RAB7A: variants seen among roughly 807,000 people sequenced by gnomAD.
RAB7A encodes the protein RAB7A, member RAS oncogene family.
Under a neutral mutation model 24.5 loss-of-function variants are expected in RAB7A, and 2 were observed. The ratio of observed to expected loss-of-function variants is 0.08; its 90% confidence interval spans 0.03 to 0.26. The LOEUF (loss-of-function observed/expected upper bound fraction) is 0.26, where lower values mean the gene tolerates loss of function less well. RAB7A is among the 10% of genes least tolerant of loss of function. The pLI, the probability that RAB7A is intolerant of heterozygous loss-of-function variation, is 1.00. For missense variants in RAB7A, 118 were observed against 255.7 expected (o/e 0.46, Z 3.67); for synonymous variants, 100 against 95.9 (o/e 1.04, Z -0.25).
chr3:128,768,784 A>G (rs986603059), intron 1 of RAB7A, among the ~76,000 whole-genome samples: 2 of 150,326 alleles, frequency 1.3e-5, no homozygotes, highest in African/African-American at 4.9e-5. Context: ...GCTGCTCTCA[A>G]ACTCCCAGCT....
At chr3:128,745,250 C>T (rs1420560364) in intron 1 of RAB7A, among the ~76,000 whole-genome samples, 1 of 152,158 alleles carries the variant, frequency 6.6e-6, no homozygotes, top group African/African-American at 2.4e-5. Context: ...CTAGGGTATG[C>T]ACTGCCCCAA....
chr3:128,774,637 G>A (rs990621784), intron 1 of RAB7A, among the ~76,000 whole-genome samples: 36 of 152,126 alleles, frequency 2.4e-4, no homozygotes, highest in African/African-American at 7.7e-4. Context: ...GCAGTGGCAC[G>A]GTCTTGGCTC....
intron 1 of RAB7A, among the ~76,000 whole-genome samples, chr3:128,768,643 C>A (rs1296171714): frequency 6.6e-6 from 1 of 151,974 alleles, no homozygotes; most frequent in Non-Finnish European, 1.5e-5. Flanking sequence ...ACTGCACCTT[C>A]ATCCTCCCAG....
intron 1 of RAB7A, among the ~76,000 whole-genome samples, chr3:128,772,879 C>A (rs144810050): frequency 6.6e-6 from 1 of 152,238 alleles, no homozygotes; most frequent in African/African-American, 2.4e-5. Flanking sequence ...GACGGAGTCT[C>A]GTTCACTCAG....
At chr3:128,773,843 G>A (rs1457314603) in intron 1 of RAB7A, among the ~76,000 whole-genome samples, 1 of 151,890 alleles carries the variant, frequency 6.6e-6, no homozygotes, top group African/African-American at 2.4e-5. Context: ...GATTAAGGGC[G>A]GTGCAAGATG....
chr3:128,765,698 C>G (rs2070824232), intron 1 of RAB7A, among the ~76,000 whole-genome samples: 1 of 151,854 alleles, frequency 6.6e-6, no homozygotes, highest in South Asian at 2.1e-4. Context: ...GGCCCTAGTC[C>G]CATTCACAAG....
chr3:128,807,082 G>A (rs1237896042), intron 4 of RAB7A, among the ~76,000 whole-genome samples: 4 of 152,230 alleles, frequency 2.6e-5, no homozygotes, highest in African/African-American at 7.2e-5. Flanking sequence ...TCTCTTGGCT[G>A]AAAATGGGCT....
intron 1 of RAB7A, among the ~76,000 whole-genome samples, chr3:128,734,760 A>G (rs1294980337): frequency 2.0e-5 from 3 of 152,146 alleles, no homozygotes; most frequent in Non-Finnish European, 4.4e-5. Context: ...CCCTTCAGAT[A>G]TTAGTGGGCC....
rs144894353 is a variant in RAB7A, at chr3:128,728,378, T to C, written c.-9+2019T>C. Reference sequence around the variant, plus strand: ...TCTTCAGAGAGTGTAGAAGATAATATTACAGTTTCTAATTAATCACATCTT... The same window carrying C: ...TCTTCAGAGAGTGTAGAAGATAATACTACAGTTTCTAATTAATCACATCTT... On this transcript the variant is annotated intron_variant, in intron 1 of 5. Transcript: ENST00000265062. Among the ~76,000 whole-genome samples the C allele has an allele frequency of 5.2e-3, 792 of 152,350 alleles. 6 individuals are homozygous for C. Among genetic ancestry groups the C allele is most frequent in the African/African-American group, 0.018 (753 of 41,570 alleles).
intron 1 of RAB7A, among the ~76,000 whole-genome samples, chr3:128,739,539 AC>A (rs1309226056): frequency 6.6e-6 from 1 of 152,018 alleles, no homozygotes; most frequent in Admixed American, 6.6e-5. Flanking sequence ...CTTAAAGTGA[AC>A]AGTTTTTTTC....
At chr3:128,737,215 A>G (rs1296857278) in intron 1 of RAB7A, among the ~76,000 whole-genome samples, 1 of 151,480 alleles carries the variant, frequency 6.6e-6, no homozygotes, top group Non-Finnish European at 1.5e-5. Flanking sequence ...AATTTTTTGT[A>G]TATTTAGTAG....
chr3:128,764,983 T>C (rs1454066157), intron 1 of RAB7A: 1 of 1,595,786 alleles, frequency 6.3e-7, no homozygotes, highest in Non-Finnish European at 8.5e-7. Context: ...CTGGTGGTAG[T>C]TCTGGCGCAC....
At chr3:128,806,255 A>G in intron 3 of RAB7A, 117 bp from the exon 4 acceptor site, 1 of 848,784 alleles carries the variant, frequency 1.2e-6, no homozygotes. Flanking sequence ...GTCTGGTGTC[A>G]TTTGTCTTTG....
At chr3:128,754,533 C>G (rs1181375111) in intron 1 of RAB7A, among the ~76,000 whole-genome samples, 1 of 152,026 alleles carries the variant, frequency 6.6e-6, no homozygotes, top group Non-Finnish European at 1.5e-5. Context: ...GGCATATATA[C>G]AAAACAAACA....
intron 1 of RAB7A, among the ~76,000 whole-genome samples, chr3:128,755,487 G>A (rs2070721814): frequency 6.6e-6 from 1 of 150,556 alleles, no homozygotes; most frequent in Non-Finnish European, 1.5e-5. Context: ...GCAGAAAGAA[G>A]GAACTAATAC....
chr3:128,747,304 C>T (rs1178198451), intron 1 of RAB7A, among the ~76,000 whole-genome samples: 3 of 148,692 alleles, frequency 2.0e-5, no homozygotes, highest in South Asian at 2.1e-4. Flanking sequence ...AAAAAATAAT[C>T]GGCCGGGCGC....
intron 1 of RAB7A, chr3:128,765,026 C>T: frequency 2.7e-6 from 4 of 1,500,038 alleles, no homozygotes; most frequent in Non-Finnish European, 3.7e-6. Flanking sequence ...ATGGCAGCAA[C>T]TAAGGAGAGG....
At chr3:128,727,737 C>T (rs538000261) in intron 1 of RAB7A, among the ~76,000 whole-genome samples, 3 of 152,320 alleles carry the variant, frequency 2.0e-5, no homozygotes, top group Admixed American at 2.0e-4. Flanking sequence ...AGAACGGACT[C>T]TTGTCTCTTT....
At chr3:128,738,736 A>G (rs1167793769) in intron 1 of RAB7A, among the ~76,000 whole-genome samples, 1 of 152,202 alleles carries the variant, frequency 6.6e-6, no homozygotes, top group Non-Finnish European at 1.5e-5. Flanking sequence ...TTTTTCCCCA[A>G]ATGTTAACCA....
Sources: allele counts gnomAD v4.1 joint callset (sites outside exome capture counted in the v4.1 genomes callset), GRCh38; gene constraint gnomAD v4.1.1; transcripts MANE v1.5; gene names NCBI Gene and HGNC (gene_info 2026-07-23, HGNC 2026-07-21).